Variants in ST3GAL3 observed in about 807,000 individuals in gnomAD.
ST3GAL3 encodes the protein ST3 beta-galactoside alpha-2,3-sialyltransferase 3.
A neutral mutation model predicts 50.1 loss-of-function variants in ST3GAL3; 21 were observed. That is an observed-to-expected ratio of 0.42 (90% confidence interval 0.30 to 0.60). The LOEUF (loss-of-function observed/expected upper bound fraction) is 0.60. Among genes scored for constraint, ST3GAL3 ranks in the 20% least tolerant of loss-of-function variants. The pLI is 0.19. For synonymous variants in ST3GAL3, 183 were observed against 190.0 expected (o/e 0.96, Z 0.30); for missense variants, 353 against 489.4 (o/e 0.72, Z 2.63).
intron 4 of ST3GAL3, among the ~76,000 whole-genome samples, chr1:43,826,404 G>C (rs2062808110): frequency 6.6e-6 from 1 of 152,140 alleles, no homozygotes; most frequent in Non-Finnish European, 1.5e-5. Flanking sequence ...GAATAAATCT[G>C]TATCTACTAA....
chr1:43,772,176 A>G (rs182500847), intron 2 of ST3GAL3: 45 of 395,524 alleles, frequency 1.1e-4, no homozygotes, highest in Non-Finnish European at 1.8e-4. Flanking sequence ...CAGCCTCCCC[A>G]GTAGCTGGGA....
chr1:43,853,695 T>C (rs1052683897), intron 5 of ST3GAL3, among the ~76,000 whole-genome samples: 6 of 152,206 alleles, frequency 3.9e-5, no homozygotes, highest in African/African-American at 1.2e-4. Context: ...CATTTTGTTT[T>C]AGGAAGGCTG....
intron 2 of ST3GAL3, chr1:43,771,872 G>GT (rs1695371300): frequency 5.0e-6 from 2 of 396,672 alleles, no homozygotes; most frequent in Admixed American, 4.4e-5. Context: ...ACCTCCCTTT[G>GT]TTTTTTTACA....
At position 43,899,096 on chromosome 1, in the gene ST3GAL3, G is replaced by A; in HGVS notation, c.462-72G>A. ...GTCCTGGACAAGGGCGTGGGGTCAAGGGCCAAAGGAGCAGGGAAAGAGACC... is the reference window on the plus strand; with the variant it reads ...GTCCTGGACAAGGGCGTGGGGTCAAAGGCCAAAGGAGCAGGGAAAGAGACC... On this transcript the variant is annotated intron_variant, in intron 7 of 11. Transcript: ENST00000347631. This position sits in a 1 kb window ranked among gnomAD's most constrained non-coding sequence, Gnocchi z 5.4. The A allele has an allele frequency of 1.2e-6, 2 of 1,607,766 alleles. No homozygotes were observed. The highest frequency in any genetic ancestry group is 1.1e-5 in the South Asian group (1 of 90,658).
chr1:43,792,658 A>T (rs983681822), intron 3 of ST3GAL3, among the ~76,000 whole-genome samples: 1 of 152,188 alleles, frequency 6.6e-6, no homozygotes, highest in Admixed American at 6.5e-5. Context: ...CTGTGTACTC[A>T]TGCCAAAATG....
intron 2 of ST3GAL3, among the ~76,000 whole-genome samples, chr1:43,770,926 C>T (rs576217357): frequency 6.6e-6 from 1 of 152,354 alleles, no homozygotes; most frequent in South Asian, 2.1e-4. Flanking sequence ...AACGTCCTCT[C>T]ATGGCCTACA....
intron 5 of ST3GAL3, among the ~76,000 whole-genome samples, chr1:43,872,294 A>G (rs1570346773): frequency 2.0e-5 from 1 of 50,346 alleles, no homozygotes; most frequent in East Asian, 6.3e-4. Context: ...GACGGAGGAG[A>G]GGGTGTGTTG....
chr1:43,744,688 A>T (rs1181489394), intron 2 of ST3GAL3, among the ~76,000 whole-genome samples: 1 of 120,268 alleles, frequency 8.3e-6, no homozygotes. Flanking sequence ...ATAAATAAAT[A>T]AAATAAAATA....
chr1:43,861,228 C>T (rs1184799982), intron 5 of ST3GAL3, among the ~76,000 whole-genome samples: 2 of 152,226 alleles, frequency 1.3e-5, no homozygotes, highest in Non-Finnish European at 2.9e-5. Flanking sequence ...TGTTAAACAT[C>T]AGCCTCCTTA....
chr1:43,726,769 A>G (rs893725635), intron 1 of ST3GAL3, among the ~76,000 whole-genome samples: 1 of 150,964 alleles, frequency 6.6e-6, no homozygotes, highest in Non-Finnish European at 1.5e-5. Context: ...TAATTTTTGT[A>G]TTTTTAGTAA....
chr1:43,859,855 G>C (rs1424287655), intron 5 of ST3GAL3, among the ~76,000 whole-genome samples: 1 of 152,176 alleles, frequency 6.6e-6, no homozygotes, highest in African/African-American at 2.4e-5. Context: ...CCAGGTTAAG[G>C]GCTGTCTCCA....
intron 1 of ST3GAL3, among the ~76,000 whole-genome samples, chr1:43,733,126 C>G (rs997909745): frequency 2.0e-5 from 3 of 152,036 alleles, no homozygotes; most frequent in African/African-American, 7.3e-5. Flanking sequence ...TCCCAAGTAG[C>G]TGGGACTATA....
rs141015648 is a variant in ST3GAL3, at chr1:43,721,775, A to G, written c.-31+14082A>G. Reference sequence around the variant, plus strand: ...TGCCACTGCGCCTGACTGATTTTGTACTTTTAGTAGAAACAGGGTTTCACC... The same window carrying G: ...TGCCACTGCGCCTGACTGATTTTGTGCTTTTAGTAGAAACAGGGTTTCACC... On this transcript the variant is annotated intron_variant, in intron 1 of 11. Coordinates refer to ENST00000347631, the MANE Select transcript of ST3GAL3 (RefSeq NM_006279.5). Among the ~76,000 whole-genome samples, 50 of 151,704 alleles carry G rather than the reference A, an allele frequency of 3.3e-4. No individual in the cohort carries two copies. In the East Asian group the frequency reaches 9.5e-3, roughly 29 times the overall value.
At chr1:43,892,234 C>T (rs192785215) in intron 5 of ST3GAL3, among the ~76,000 whole-genome samples, 129 of 152,236 alleles carry the variant, frequency 8.5e-4, no homozygotes, top group Non-Finnish European at 1.2e-3. Context: ...CAAGCCACTG[C>T]GCCCAGCCTG....
At chr1:43,708,232 TAGTG>T (rs1557939718) in intron 1 of ST3GAL3, 2 of 152,200 alleles carry the variant, frequency 1.3e-5, no homozygotes, top group Non-Finnish European at 2.9e-5. Context: ...GAAAATATCT[TAGTG>T]AGGAGGGCAG....
At chr1:43,731,057 G>T (rs1397276057) in intron 1 of ST3GAL3, among the ~76,000 whole-genome samples, 1 of 150,756 alleles carries the variant, frequency 6.6e-6, no homozygotes, top group African/African-American at 2.4e-5. Context: ...CTTTGAGATG[G>T]CATCTCACTC....
intron 5 of ST3GAL3, among the ~76,000 whole-genome samples, chr1:43,869,105 C>A (rs958230776): frequency 6.6e-6 from 1 of 152,084 alleles, no homozygotes; most frequent in African/African-American, 2.4e-5. Context: ...GGTTCTAGAA[C>A]CCTGTATCGT....
chr1:43,848,294 C>CTT (rs58438507), intron 5 of ST3GAL3, among the ~76,000 whole-genome samples: 19,653 of 70,182 alleles, frequency 0.28, 2,824 homozygotes, highest in African/African-American at 0.41. Flanking sequence ...TTGTGGTTTT[C>CTT]TTTTTTTTTT....
chr1:43,924,458 G>A (rs151159306), intron 11 of ST3GAL3, among the ~76,000 whole-genome samples: 58 of 152,352 alleles, frequency 3.8e-4, no homozygotes, highest in Non-Finnish European at 6.9e-4. Flanking sequence ...AGACGTGGGC[G>A]ATGGCCAAAT....
Sources: gnomAD v4.1 joint callset for allele counts (sites outside exome capture counted in the v4.1 genomes callset) on GRCh38, gnomAD v4.1.1 for gene constraint, Gnocchi (gnomAD v3.1) non-coding constraint, MANE v1.5 for transcripts, NCBI Gene and HGNC (gene_info 2026-07-23, HGNC 2026-07-21) for gene names.